Variants in TRPS1 observed in about 807,000 individuals in gnomAD.
TRPS1 encodes the protein zinc finger transcription factor Trps1.
Under a neutral mutation model 101.2 loss-of-function variants are expected in TRPS1, and 6 were observed. The ratio of observed to expected loss-of-function variants is 0.06; its 90% confidence interval spans 0.03 to 0.12. The LOEUF is 0.12. TRPS1 is among the 10% of genes least tolerant of loss of function. The pLI is 1.00. For missense variants in TRPS1, 1,363 were observed against 1,567.0 expected (o/e 0.87, Z 2.20); for synonymous variants, 578 against 589.8 (o/e 0.98, Z 0.29).
intron 5 of TRPS1, among the ~76,000 whole-genome samples, chr8:115,562,817 A>C (rs1364565164): frequency 6.6e-6 from 1 of 151,306 alleles, no homozygotes; most frequent in Non-Finnish European, 1.5e-5. Flanking sequence ...TCTACCTTCT[A>C]AGATAATGTG....
chr8:115,515,889 G>T (rs1815697755), intron 5 of TRPS1, among the ~76,000 whole-genome samples: 1 of 151,042 alleles, frequency 6.6e-6, no homozygotes. Flanking sequence ...AAATAATTTG[G>T]GTTCTGAGGC....
intron 5 of TRPS1, among the ~76,000 whole-genome samples, chr8:115,551,630 A>G (rs1271194731): frequency 1.3e-5 from 2 of 152,204 alleles, no homozygotes; most frequent in African/African-American, 4.8e-5. Flanking sequence ...TGATGCTTCC[A>G]GGAAAATGAA....
At chr8:115,609,175 G>A (rs1818106790) in intron 3 of TRPS1, among the ~76,000 whole-genome samples, 1 of 152,020 alleles carries the variant, frequency 6.6e-6, no homozygotes, top group Non-Finnish European at 1.5e-5. Flanking sequence ...TTTTGTTAGG[G>A]AATACCATAT....
chr8:115,449,956 A>AACACACACACAC (rs61176190), intron 5 of TRPS1, among the ~76,000 whole-genome samples: 4,305 of 146,962 alleles, frequency 0.029, 149 homozygotes, highest in African/African-American at 0.083. Context: ...TATGTGATTT[A>AACACACACACAC]ACACACACAC....
intron 5 of TRPS1, among the ~76,000 whole-genome samples, chr8:115,449,066 C>A (rs1021426824): frequency 1.3e-5 from 2 of 152,072 alleles, no homozygotes; most frequent in African/African-American, 4.8e-5. Flanking sequence ...AAAGAAGGAT[C>A]TAACCTATTA....
chr8:115,582,999 A>G (rs1817485624), intron 5 of TRPS1, among the ~76,000 whole-genome samples: 1 of 152,142 alleles, frequency 6.6e-6, no homozygotes, highest in East Asian at 1.9e-4. Context: ...CTCACCCAAT[A>G]AGCTTAACTG....
At chr8:115,652,907 T>G (rs1186516187) in intron 1 of TRPS1, among the ~76,000 whole-genome samples, 1 of 152,198 alleles carries the variant, frequency 6.6e-6, no homozygotes, top group East Asian at 1.9e-4. Flanking sequence ...TTCAGGGGAA[T>G]TAAAATACAG....
At chr8:115,649,839 C>T (rs1038437607) in intron 1 of TRPS1, among the ~76,000 whole-genome samples, 24 of 152,190 alleles carry the variant, frequency 1.6e-4, no homozygotes, top group Non-Finnish European at 3.4e-4. Context: ...TTAAAGGGCA[C>T]CACGCAGCTT....
At position 115,411,930 on chromosome 8, in the gene TRPS1, C is replaced by T. The variant is rs547643442; in HGVS notation, c.*2093G>A. On this transcript the variant is annotated 3_prime_UTR_variant, in exon 7 of 7. Transcript: ENST00000395715. The stretch of plus-strand genomic sequence containing the variant: ...CTACCTGCCATCCAACTTTAAGAAA[C>T]GAAGACCCGGCACTGTGAAAAAGAA... 3.3e-5 allele frequency: 5 copies of T among 152,252 alleles called. No homozygotes were observed. Among genetic ancestry groups the T allele is most frequent in the South Asian group, 2.1e-4 (1 of 4,816 alleles). The allele number at this position is 152,252 out of a possible 1,614,324, so 9.4% of individuals were successfully genotyped here. A position where few individuals can be genotyped will look rare whatever the true frequency, so the allele number is the denominator to read the frequency against.
At chr8:115,507,906 A>C (rs907155038) in intron 5 of TRPS1, among the ~76,000 whole-genome samples, 1 of 152,072 alleles carries the variant, frequency 6.6e-6, no homozygotes, top group Non-Finnish European at 1.5e-5. Context: ...CTGTCATTGC[A>C]TGATTGGTGT....
chr8:115,465,324 T>C (rs1050562497), intron 5 of TRPS1, among the ~76,000 whole-genome samples: 1 of 152,076 alleles, frequency 6.6e-6, no homozygotes, highest in African/African-American at 2.4e-5. Flanking sequence ...GCATCAAAAA[T>C]GTGTCCTTAA....
At chr8:115,529,232 T>C (rs1412670961) in intron 5 of TRPS1, among the ~76,000 whole-genome samples, 9 of 152,126 alleles carry the variant, frequency 5.9e-5, no homozygotes, top group African/African-American at 1.9e-4. Flanking sequence ...ACAGAAATGG[T>C]GTACATGCCA....
chr8:115,498,415 C>CTCTCTCTCTCTCTCTCTA (rs1486361297), intron 5 of TRPS1, among the ~76,000 whole-genome samples: 1 of 39,316 alleles, frequency 2.5e-5, no homozygotes, highest in African/African-American at 1.1e-4. Flanking sequence ...CTCTCTCTCT[C>CTCTCTCTCTCTCTCTCTA]TATATATATA....
At chr8:115,429,921 C>T (rs927675517) in intron 5 of TRPS1, among the ~76,000 whole-genome samples, 2 of 151,874 alleles carry the variant, frequency 1.3e-5, no homozygotes, top group African/African-American at 4.8e-5. Context: ...GTCATTTCTC[C>T]CTATTGTGAA....
At position 115,587,077 on chromosome 8, in the gene TRPS1, T is replaced by C. The variant is rs1817575498; in HGVS notation, c.2624A>G (p.Lys875Arg). The change falls in exon 5 of 7, where the codon AAG becomes AGG. Residue 875 changes from lysine to arginine, a missense_variant. Transcript: ENST00000395715. ...FLQGAPAGGE[K>R]SGALPQQYPA... Reference sequence around the variant, plus strand: ...ATACTGCTGGGGGAGGGCCCCAGACTTCTCTCCGCCAGCTGGCGCCCCCTG... The same window carrying C: ...ATACTGCTGGGGGAGGGCCCCAGACCTCTCTCCGCCAGCTGGCGCCCCCTG... The C allele has an allele frequency of 1.9e-6, 3 of 1,614,146 alleles. No homozygotes were observed. Among genetic ancestry groups the C allele is most frequent in the Non-Finnish European group, 1.7e-6 (2 of 1,180,008 alleles).
chr8:115,501,490 A>T (rs1447047773), intron 5 of TRPS1, among the ~76,000 whole-genome samples: 2 of 152,166 alleles, frequency 1.3e-5, no homozygotes, highest in Admixed American at 6.5e-5. Context: ...AAAAACTCTC[A>T]ATTTCCAAAT....
At chr8:115,656,923 AAAACT>A (rs1811688997) in intron 1 of TRPS1, among the ~76,000 whole-genome samples, 1 of 152,172 alleles carries the variant, frequency 6.6e-6, no homozygotes, top group African/African-American at 2.4e-5. Flanking sequence ...TTAAAAGAAA[AAAACT>A]AAACTAAATA....
chr8:115,662,183 A>G (rs1811815733), intron 1 of TRPS1, among the ~76,000 whole-genome samples: 1 of 152,080 alleles, frequency 6.6e-6, no homozygotes, highest in Admixed American at 6.6e-5. Flanking sequence ...TATCAAGTAA[A>G]TCAAAACTGT....
chr8:115,455,775 CTTT>C (rs386413741), intron 5 of TRPS1, among the ~76,000 whole-genome samples: 14 of 119,974 alleles, frequency 1.2e-4, no homozygotes, highest in Admixed American at 7.5e-4. Flanking sequence ...TTCTTTCTTT[CTTT>C]TTTTTTTTTT....
Sources: gnomAD v4.1 joint callset for allele counts (sites outside exome capture counted in the v4.1 genomes callset) on GRCh38, gnomAD v4.1.1 for gene constraint, MANE v1.5 for transcripts, NCBI Gene and HGNC (gene_info 2026-07-23, HGNC 2026-07-21) for gene names.